The following CKAP5 variants were observed in gnomAD, a reference collection of about 807,000 sequenced individuals.
CKAP5 encodes cytoskeleton associated protein 5.
In CKAP5, 27 loss-of-function variants were observed where a neutral mutation model predicts 232.8. That is an observed-to-expected ratio of 0.12 (90% CI 0.09 to 0.16). CKAP5 has a LOEUF of 0.16. Ranked by LOEUF, CKAP5 falls within the 10% of genes least tolerant of loss-of-function variation. CKAP5 has a pLI of 1.00. For synonymous variants in CKAP5, 785 were observed against 841.1 expected (o/e 0.93, Z 1.16); for missense variants, 1,838 against 2,424.7 (o/e 0.76, Z 5.08).
chr11:46,846,100 T>G (rs1940184733), intron 1 of CKAP5, 120 bp downstream of exon 1: 1 of 151,998 alleles, frequency 6.6e-6, no homozygotes, highest in Admixed American at 6.5e-5. Flanking sequence ...GCCGGGTTCG[T>G]GGGGCAAGTG....
chr11:46,774,330 CT>C (rs1592448633), intron 24 of CKAP5, among the ~76,000 whole-genome samples: 1 of 152,060 alleles, frequency 6.6e-6, no homozygotes, highest in East Asian at 1.9e-4. Context: ...CTACAAACCA[CT>C]GCTCAACAAA....
At chr11:46,813,652 C>T (rs1186780512) in intron 4 of CKAP5, among the ~76,000 whole-genome samples, 1 of 152,140 alleles carries the variant, frequency 6.6e-6, no homozygotes, top group Admixed American at 6.5e-5. Flanking sequence ...CCTAGTTAAA[C>T]TATAGACTCT....
In CKAP5 at chr11:46,816,329, G is replaced by A; in HGVS notation, c.327C>T (p.Gly109=). 6.2e-7 allele frequency: 1 copy of A among 1,613,934 alleles called. No homozygotes were observed. The highest frequency in any genetic ancestry group is 1.3e-5 in the African/African-American group (1 of 74,956). ...NQPKAKAKEL[G]IEICLMYIEI... ...CTATGTACATAAGACAGATCTCTAT[G>A]CCCAGCTCCTTGGCTTTAGCTTTAG... is the stretch of plus-strand genomic sequence containing the variant. Residue 109 remains glycine (G), a synonymous_variant, in exon 4 of 44, where the codon GGC becomes GGT. Coordinates refer to ENST00000529230, the MANE Select transcript of CKAP5 (RefSeq NM_001008938.4).
chr11:46,841,684 G>T (rs139493768), intron 1 of CKAP5, among the ~76,000 whole-genome samples: 336 of 152,208 alleles, frequency 2.2e-3, no homozygotes, highest in African/African-American at 7.7e-3. Context: ...GGATGCACAA[G>T]GAAATGCAAA....
chr11:46,844,221 TAAA>T (rs1162075349), intron 1 of CKAP5, among the ~76,000 whole-genome samples: 1 of 135,486 alleles, frequency 7.4e-6, no homozygotes, highest in African/African-American at 2.7e-5. Flanking sequence ...GACTCTGTCT[TAAA>T]AAAAAAAAAA....
At chr11:46,839,480 A>T (rs1592494319) in intron 1 of CKAP5, among the ~76,000 whole-genome samples, 1 of 152,154 alleles carries the variant, frequency 6.6e-6, no homozygotes, top group African/African-American at 2.4e-5. Flanking sequence ...TAGATTAAGA[A>T]CTCAATTTTT....
At chr11:46,758,779 G>T in intron 35 of CKAP5, 144 bp downstream of exon 35, 2 of 841,098 alleles carry the variant, frequency 2.4e-6, no homozygotes, top group Non-Finnish European at 1.8e-6. Flanking sequence ...ATGACTGAGT[G>T]GCACCTGTGC....
intron 8 of CKAP5, chr11:46,802,197 T>C (rs1939045100): frequency 6.6e-6 from 1 of 152,012 alleles, no homozygotes; most frequent in South Asian, 2.1e-4. Context: ...CTCAGTCGAT[T>C]CTCCTCTAGC....
chr11:46,760,509 G>C (rs1336450356), intron 33 of CKAP5, 103 bp downstream of exon 33: 3 of 1,104,308 alleles, frequency 2.7e-6, no homozygotes, highest in Non-Finnish European at 4.0e-6. Flanking sequence ...TGTCATGCAT[G>C]ATAATGGCTA....
chr11:46,838,711 T>C (rs1939976304), intron 1 of CKAP5, among the ~76,000 whole-genome samples: 1 of 141,658 alleles, frequency 7.1e-6, no homozygotes, highest in Admixed American at 7.4e-5. Context: ...AGAGGATCCC[T>C]TGAGCCCGGG....
rs2065078952 is a variant in CKAP5 at position 46,752,695 on chromosome 11, C to T, written c.5073G>A (p.Leu1691=). The part of the protein sequence containing the change: ...QTNILSALLV[L]LQDSLLATAS... ...CTGTTGCTAGCAGGCTGTCTTGGAG[C>T]AAAACAAGTAGGGCACTGGAAGAAA... The change falls in exon 38 of 44, where the codon TTG becomes TTA. Residue 1691 remains leucine, a synonymous_variant. Coordinates refer to ENST00000529230, the MANE Select transcript of CKAP5 (RefSeq NM_001008938.4). 1 of 1,612,230 alleles carries T rather than the reference C, an allele frequency of 6.2e-7. No homozygotes were observed. Among genetic ancestry groups the T allele is most frequent in the East Asian group, 2.2e-5 (1 of 44,714 alleles).
At chr11:46,769,131 G>A (rs2065227529) in intron 26 of CKAP5, among the ~76,000 whole-genome samples, 2 of 152,022 alleles carry the variant, frequency 1.3e-5, no homozygotes, top group Non-Finnish European at 2.9e-5. Flanking sequence ...TGTTGGCCAG[G>A]CTGATCTCAA....
At chr11:46,760,127 G>C (rs2065142461) in intron 33 of CKAP5, among the ~76,000 whole-genome samples, 1 of 152,118 alleles carries the variant, frequency 6.6e-6, no homozygotes, top group African/African-American at 2.4e-5. Flanking sequence ...CTCAAGAATA[G>C]GAAACTAAGC....
chr11:46,796,952 A>G lies in CKAP5; in HGVS notation c.1339-12T>C. The G allele has an allele frequency of 6.2e-7, 1 of 1,613,092 alleles. No individual in the cohort carries two copies. Among genetic ancestry groups the G allele is most frequent in the Non-Finnish European group, 8.5e-7 (1 of 1,179,534 alleles). ...GAATCATTGATGTGCTATAGTCCAG[A>G]AGTAAGCAAAATGATATTAATGCAA... is the stretch of plus-strand genomic sequence containing the variant. On this transcript the variant is annotated splice_polypyrimidine_tract_variant and intron_variant, in intron 11 of 43. Coordinates refer to ENST00000529230, the MANE Select transcript of CKAP5 (RefSeq NM_001008938.4).
intron 1 of CKAP5, among the ~76,000 whole-genome samples, chr11:46,822,591 A>C (rs1016271918): frequency 2.0e-5 from 3 of 151,908 alleles, no homozygotes; most frequent in Non-Finnish European, 4.4e-5. Context: ...CTCTATTAAA[A>C]ACACAAAAAA....
intron 20 of CKAP5, among the ~76,000 whole-genome samples, chr11:46,779,194 CATGA>C (rs2065317500): frequency 6.6e-6 from 1 of 152,034 alleles, no homozygotes; most frequent in African/African-American, 2.4e-5. Context: ...AGTGCAGTGG[CATGA>C]TCTTGGTTCA....
At chr11:46,834,578 A>C (rs1939874808) in intron 1 of CKAP5, among the ~76,000 whole-genome samples, 1 of 151,876 alleles carries the variant, frequency 6.6e-6, no homozygotes, top group Admixed American at 6.6e-5. Context: ...CTTAGGACCA[A>C]GTAAGGCAAG....
At chr11:46,792,508 G>A (rs1455064579) in intron 13 of CKAP5, among the ~76,000 whole-genome samples, 1 of 151,816 alleles carries the variant, frequency 6.6e-6, no homozygotes, top group Non-Finnish European at 1.5e-5. Flanking sequence ...AGATGAAATC[G>A]TGCCACCGCA....
intron 4 of CKAP5, among the ~76,000 whole-genome samples, chr11:46,812,687 G>A (rs1286626084): frequency 2.6e-5 from 4 of 152,174 alleles, no homozygotes; most frequent in African/African-American, 9.6e-5. Flanking sequence ...ATCCAGGCTG[G>A]AATGCAGTGG....
Sources: allele counts gnomAD v4.1 joint callset (sites outside exome capture counted in the v4.1 genomes callset), GRCh38; gene constraint gnomAD v4.1.1; transcripts MANE v1.5; gene names NCBI Gene and HGNC (gene_info 2026-07-23, HGNC 2026-07-21).